The following ZFPM1 variants were observed in gnomAD, a reference collection of about 807,000 sequenced individuals.
The protein encoded by ZFPM1 is zinc finger protein ZFPM1.
ZFPM1 carries 28 observed loss-of-function variants against 46.3 expected under a neutral mutation model. The ratio of observed to expected loss-of-function variants is 0.60; its 90% CI spans 0.45 to 0.83. ZFPM1 has a LOEUF of 0.83. Ranked by LOEUF, ZFPM1 falls within the 40% of genes least tolerant of loss-of-function variation. ZFPM1 has a pLI of 0.00. For synonymous variants in ZFPM1, 957 were observed against 675.9 expected, an observed-to-expected ratio of 1.42 and a Z score of -6.45; for missense variants, 1,878 against 1,432.4, an observed-to-expected ratio of 1.31 and a Z score of -5.02.
chr16:88,533,411 G>A lies in ZFPM1; in HGVS notation c.1453G>A (p.Ala485Thr), dbSNP rs1912968820. 6.7e-7 allele frequency: 1 copy of A among 1,494,252 alleles called. No individual in the cohort carries two copies. Among genetic ancestry groups the A allele is most frequent in the African/African-American group, 1.5e-5 (1 of 68,392 alleles). 92.6% of individuals were successfully genotyped at this position (1,494,252 alleles called of 1,614,324 possible). A position where few individuals can be genotyped will look rare whatever the true frequency, so the allele number is the denominator to read the frequency against. ...GGGCCCCGGAGAGCCTGGGCCCCAGGCCCCGTCGCGGACGCCGTCGCCGCG... is the reference window on the plus strand; with the variant it reads ...GGGCCCCGGAGAGCCTGGGCCCCAGACCCCGTCGCGGACGCCGTCGCCGCG... ...ILGPGEPGPQ[A>T]PSRTPSPRSP... Residue 485 changes from alanine to threonine, a missense_variant, in exon 10 of 10, where the codon GCC (alanine) becomes ACC (threonine). Physicochemically the swap from Ala to Thr is moderately conservative, Grantham distance 58 (BLOSUM62 0). Coordinates refer to ENST00000319555, the MANE Select transcript of ZFPM1 (RefSeq NM_153813.3).
At chr16:88,476,449 G>A (rs987932982) in intron 1 of ZFPM1, among the ~76,000 whole-genome samples, 38 of 152,214 alleles carry the variant, frequency 2.5e-4, no homozygotes, top group Middle Eastern at 6.8e-3. Flanking sequence ...GTGGCAGGGC[G>A]GCCATCGTGG....
intron 7 of ZFPM1, 147 bp from the exon 8 acceptor site, chr16:88,532,467 C>T: frequency 2.3e-6 from 2 of 870,628 alleles, no homozygotes; most frequent in South Asian, 1.8e-5. Flanking sequence ...AGACAAAAGG[C>T]GGAGGAGGAG....
intron 3 of ZFPM1, among the ~76,000 whole-genome samples, chr16:88,508,740 TC>T (rs1160051582): frequency 6.6e-6 from 1 of 151,886 alleles, no homozygotes; most frequent in African/African-American, 2.4e-5. Context: ...CTACTTAGCC[TC>T]CCCCCTCCCC....
intron 2 of ZFPM1, among the ~76,000 whole-genome samples, 153 bp downstream of exon 2, chr16:88,486,196 C>T (rs1440063140): frequency 2.0e-5 from 3 of 152,226 alleles, no homozygotes; most frequent in Non-Finnish European, 2.9e-5. Flanking sequence ...GGCCTGTTGC[C>T]CGGAGGCCCT....
intron 2 of ZFPM1, among the ~76,000 whole-genome samples, chr16:88,488,072 T>C (rs9937296): frequency 0.82 from 124,649 of 152,184 alleles, 51,292 homozygotes; most frequent in Non-Finnish European, 0.86. Context: ...GCGAGTCCCT[T>C]GGTGGCTGGG....
At chr16:88,490,827 C>T (rs950957848) in intron 3 of ZFPM1, among the ~76,000 whole-genome samples, 2 of 152,156 alleles carry the variant, frequency 1.3e-5, no homozygotes, top group African/African-American at 2.4e-5. Flanking sequence ...CCCCTGCTGT[C>T]CCCCAGGAAG....
intron 3 of ZFPM1, among the ~76,000 whole-genome samples, chr16:88,513,464 C>A (rs1233019828): frequency 6.6e-6 from 1 of 152,246 alleles, no homozygotes; most frequent in Non-Finnish European, 1.5e-5. Flanking sequence ...CACAGCACTG[C>A]GGCCAGGGGA....
chr16:88,524,977 G>A (rs12709100), intron 4 of ZFPM1, among the ~76,000 whole-genome samples: 128,915 of 152,268 alleles, frequency 0.85, 55,950 homozygotes, highest in Non-Finnish European at 0.94. Flanking sequence ...CTGCTCACCC[G>A]TTCTGTGGCT....
At chr16:88,462,032 C>T (rs1056271278) in intron 1 of ZFPM1, among the ~76,000 whole-genome samples, 1 of 152,250 alleles carries the variant, frequency 6.6e-6, no homozygotes, top group Admixed American at 6.5e-5. Context: ...CCCATCTCCT[C>T]CTCCCTCCCC....
intron 3 of ZFPM1, among the ~76,000 whole-genome samples, chr16:88,509,904 G>C (rs560409165): frequency 1.3e-5 from 2 of 152,260 alleles, no homozygotes; most frequent in African/African-American, 4.8e-5. Context: ...CGGTTCCTGC[G>C]CTGGGCACTG....
intron 3 of ZFPM1, among the ~76,000 whole-genome samples, chr16:88,494,038 C>T (rs1051279456): frequency 1.3e-5 from 2 of 152,186 alleles, no homozygotes; most frequent in Admixed American, 6.5e-5. Flanking sequence ...ATAAGGAAAG[C>T]CACAGCCGCA....
chr16:88,514,400 G>T lies in ZFPM1; in HGVS notation c.282G>T (p.Pro94=). Residue 94 remains proline (P), a synonymous_variant, in exon 4 of 10, where the codon CCG becomes CCT. Coordinates refer to ENST00000319555, the MANE Select transcript of ZFPM1 (RefSeq NM_153813.3). ...SPWSGPDELE[P]VVQDGQRRIR... ...GTCTCTCTGCAGACGAGCTGGAGCC[G>T]GTGGTGCAGGATGGGCAGAGGCGCA... The T allele has an allele frequency of 6.4e-7, 1 of 1,564,766 alleles. No homozygotes were observed.
At chr16:88,511,735 A>G (rs188265847) in intron 3 of ZFPM1, among the ~76,000 whole-genome samples, 42 of 152,288 alleles carry the variant, frequency 2.8e-4, no homozygotes, top group East Asian at 1.2e-3. Flanking sequence ...CACGGCCTCT[A>G]TGTTCAGTTG....
At chr16:88,476,353 G>A (rs1368794693) in intron 1 of ZFPM1, among the ~76,000 whole-genome samples, 1 of 152,196 alleles carries the variant, frequency 6.6e-6, no homozygotes, top group Non-Finnish European at 1.5e-5. Context: ...AGCATTTGCT[G>A]GGTACCTACT....
At position 88,529,246 on chromosome 16, in the gene ZFPM1, G is replaced by A. The variant is rs1018574388; in HGVS notation, c.712+1008G>A. On this transcript the variant is annotated intron_variant, in intron 6 of 9. Coordinates refer to ENST00000319555, the MANE Select transcript of ZFPM1 (RefSeq NM_153813.3). ...CGCAGCAAGTCTGGCTCCGGCCAGC[G>A]GCTGGGGCTTCCCAGGGGAACAGGG... is the stretch of plus-strand genomic sequence containing the variant. Among the ~76,000 whole-genome samples the A allele has an allele frequency of 3.9e-5, 6 of 152,384 alleles. 1 individual carries two copies. The South Asian group carries it at 6.2e-4, about 16-fold the overall frequency.
intron 4 of ZFPM1, among the ~76,000 whole-genome samples, chr16:88,518,761 AT>A (rs1911545588): frequency 7.6e-6 from 1 of 131,290 alleles, no homozygotes; most frequent in Non-Finnish European, 1.6e-5. Flanking sequence ...GGATGGATGG[AT>A]GGATGGATGG....
rs570170879 is a variant in ZFPM1 at position 88,515,786 on chromosome 16, C to T, written c.402+1266C>T. On this transcript the variant is annotated intron_variant, in intron 4 of 9. Coordinates refer to ENST00000319555, the MANE Select transcript of ZFPM1 (RefSeq NM_153813.3). Reference sequence around the variant, plus strand: ...TTCAGCTCCACCACAGGAAGGAAGCCATGGTGTTTAGAGCTGGTTCTGTGG... The same window carrying T: ...TTCAGCTCCACCACAGGAAGGAAGCTATGGTGTTTAGAGCTGGTTCTGTGG... Among the ~76,000 whole-genome samples, 3 of 152,336 alleles carry T rather than the reference C, an allele frequency of 2.0e-5. No homozygotes were observed. The South Asian group carries it at 6.2e-4, about 32-fold the overall frequency.
intron 7 of ZFPM1, 32 bp from the exon 8 acceptor site, chr16:88,532,582 C>T (rs1338991322): frequency 1.2e-5 from 18 of 1,544,950 alleles, no homozygotes; most frequent in Admixed American, 3.9e-5. Context: ...TAAGCTGGCC[C>T]GGGCACCGCT....
rs113487531 is a variant in ZFPM1 at position 88,488,013 on chromosome 16, G to T, written c.146-1018G>T. ...GCTCTCCCTGGCCAGTCCCGGGGCC[G>T]GGCTCTTAACCCTCGCGGAGCCTCC... On this transcript the variant is annotated intron_variant, in intron 2 of 9. Transcript: ENST00000319555. Among the ~76,000 whole-genome samples the T allele has an allele frequency of 5.6e-3, 854 of 152,334 alleles. 8 individuals are homozygous for T. Among genetic ancestry groups the T allele is most frequent in the African/African-American group, 0.019 (802 of 41,578 alleles).
Sources: gnomAD v4.1 joint callset for allele counts (sites outside exome capture counted in the v4.1 genomes callset) on GRCh38, gnomAD v4.1.1 for gene constraint, MANE v1.5 for transcripts, NCBI Gene and HGNC (gene_info 2026-07-23, HGNC 2026-07-21) for gene names.